PCDHGA11: variants seen among roughly 807,000 people sequenced by gnomAD.
PCDHGA11 encodes the protein protocadherin gamma-A11.
A neutral mutation model predicts 60.4 loss-of-function variants in PCDHGA11; 39 were observed. The ratio of observed to expected loss-of-function variants is 0.65; its 90% CI spans 0.50 to 0.84. The LOEUF is 0.84. PCDHGA11 is among the 40% of genes least tolerant of loss of function. PCDHGA11 has a pLI of 0.00. For synonymous variants in PCDHGA11, 533 were observed against 510.3 expected (o/e 1.04, Z -0.60); for missense variants, 1,165 against 1,197.7 (o/e 0.97, Z 0.40).
At chr5:141,495,379 C>T (rs989240656) in intron 2 of PCDHGA11, among the ~76,000 whole-genome samples, 3 of 152,208 alleles carry the variant, frequency 2.0e-5, no homozygotes, top group Non-Finnish European at 4.4e-5. Context: ...TGAGGAAGGA[C>T]TGGGCGGGGC....
In PCDHGA11 at chr5:141,476,883, A is replaced by G. The variant is rs1266909654; in HGVS notation, c.2434-17924A>G. ...TTGTACCGGGCGCGCGTCCTGGAGG[A>G]TGCACCCTCCGGCACGCGCGTGGTA... On this transcript the variant is annotated intron_variant, in intron 1 of 3. Coordinates refer to ENST00000398587, the MANE Select transcript of PCDHGA11 (RefSeq NM_018914.3). This position sits in a 1 kb window ranked among gnomAD's most constrained non-coding sequence, Gnocchi z 7.6. 1 of 1,613,916 alleles carries G rather than the reference A, an allele frequency of 6.2e-7. No individual in the cohort carries two copies. The highest frequency in any genetic ancestry group is 8.5e-7 in the Non-Finnish European group (1 of 1,180,026).
intron 1 of PCDHGA11, among the ~76,000 whole-genome samples, chr5:141,459,035 A>T (rs1404092581): frequency 6.6e-6 from 1 of 152,218 alleles, no homozygotes; most frequent in Non-Finnish European, 1.5e-5. Context: ...ATCCAGCCTT[A>T]CCAGCTATAT....
At position 141,489,662 on chromosome 5, in the gene PCDHGA11, G is replaced by A. The variant is rs2233601; in HGVS notation, c.2434-5145G>A. On this transcript the variant is annotated intron_variant, in intron 1 of 3. Coordinates refer to ENST00000398587, the MANE Select transcript of PCDHGA11 (RefSeq NM_018914.3). This position sits in a 1 kb window ranked among gnomAD's most constrained non-coding sequence, Gnocchi z 4.5. ...TTTGCCACCCCTGAGCGAGAGATGC[G>A]CATCTCAGAATCAGCAGCATCTGGG... The A allele has an allele frequency of 4.0e-4, 649 of 1,614,144 alleles. 2 individuals are homozygous for A. The highest frequency in any genetic ancestry group is 1.5e-3 in the Middle Eastern group (9 of 6,062).
At position 141,431,850 on chromosome 5, in the gene PCDHGA11, C is replaced by T; in HGVS notation, c.2433+8190C>T. On this transcript the variant is annotated intron_variant, in intron 1 of 3. Transcript: ENST00000398587. The surrounding 1 kb of genome is among the most constrained non-coding windows in gnomAD (Gnocchi z 4.8). ...GTTCCCGAAAACTCTCCCAGAGGGA[C>T]ATTAATTGCCCTTTTAAATGTAAAT... The T allele has an allele frequency of 1.9e-6, 3 of 1,614,234 alleles. No homozygotes were observed. The highest frequency in any genetic ancestry group is 2.2e-5 in the South Asian group (2 of 91,090).
In PCDHGA11 at chr5:141,423,465, G is replaced by A. The variant is rs762995150; in HGVS notation, c.2238G>A (p.Gly746=). Residue 746 remains glycine, a synonymous_variant, in exon 1 of 4, where the codon GGG becomes GGA. Coordinates refer to ENST00000398587, the MANE Select transcript of PCDHGA11 (RefSeq NM_018914.3). ...CGTCACATTTTGTAGGCGTGGACGG[G>A]GTACAGGCTTTCCTGCAAACCTATT... ...MPTSHFVGVD[G]VQAFLQTYSH... The A allele has an allele frequency of 2.6e-5, 42 of 1,614,006 alleles. 1 individual carries two copies. The Middle Eastern group carries it at 1.5e-3, about 57-fold the overall frequency.
intron 1 of PCDHGA11, among the ~76,000 whole-genome samples, chr5:141,445,929 A>G (rs1388363296): frequency 6.6e-6 from 1 of 152,208 alleles, no homozygotes; most frequent in Non-Finnish European, 1.5e-5. Context: ...AAGATATTTG[A>G]ATTATTAAGC....
At chr5:141,497,143 GA>G (rs928640875) in intron 2 of PCDHGA11, among the ~76,000 whole-genome samples, 7 of 149,992 alleles carry the variant, frequency 4.7e-5, no homozygotes, top group African/African-American at 9.8e-5. Context: ...CTGAGATCAC[GA>G]AAAAAAAATA....
At chr5:141,437,463 AC>A (rs2097887109) in intron 1 of PCDHGA11, among the ~76,000 whole-genome samples, 1 of 152,184 alleles carries the variant, frequency 6.6e-6, no homozygotes, top group Non-Finnish European at 1.5e-5. Flanking sequence ...ACTATACTAT[AC>A]TTTTATAGCA....
chr5:141,492,023 C>A, intron 1 of PCDHGA11: 1 of 564,804 alleles, frequency 1.8e-6, no homozygotes, highest in Non-Finnish European at 3.0e-6. Context: ...TCGGGGGTCC[C>A]GGGAGGAGGC....
chr5:141,503,713 C>T (rs867005984), intron 2 of PCDHGA11, among the ~76,000 whole-genome samples: 6 of 152,134 alleles, frequency 3.9e-5, no homozygotes, highest in Non-Finnish European at 8.8e-5. Context: ...TCCCCTTCAA[C>T]CCTAGCTTTA....
Position 141,476,416 on chromosome 5 carries a change from A to G in PCDHGA11, c.2434-18391A>G. On this transcript the variant is annotated intron_variant, in intron 1 of 3. Coordinates refer to ENST00000398587, the MANE Select transcript of PCDHGA11 (RefSeq NM_018914.3). The surrounding 1 kb of genome is among the most constrained non-coding windows in gnomAD (Gnocchi z 7.6). ...TGGATCGAGAGGAGCTGTGTGGGAC[A>G]CTGCCCTCTTGCACTGTAACTCTGG... 1 of 1,614,056 alleles carries G rather than the reference A, an allele frequency of 6.2e-7. No individual in the cohort carries two copies. The highest frequency in any genetic ancestry group is 8.5e-7 in the Non-Finnish European group (1 of 1,179,994).
chr5:141,493,908 G>A lies in PCDHGA11; in HGVS notation c.2434-899G>A, dbSNP rs1308946115. ...CTAGGAGTGCTCCATGAGAGTGTGT[G>A]ATGGGATAACACACCCCCTGGAAAG... On this transcript the variant is annotated intron_variant, in intron 1 of 3. Transcript: ENST00000398587. This position sits in a 1 kb window ranked among gnomAD's most constrained non-coding sequence, Gnocchi z 4.3. Among the ~76,000 whole-genome samples the A allele has an allele frequency of 6.6e-6, 1 of 152,208 alleles. No homozygotes were observed. The highest frequency in any genetic ancestry group is 1.5e-5 in the Non-Finnish European group (1 of 68,032).
At chr5:141,478,042 G>A (rs1358652557) in intron 1 of PCDHGA11, 18 of 1,614,152 alleles carry the variant, frequency 1.1e-5, no homozygotes, top group Non-Finnish European at 1.5e-5. Flanking sequence ...CACCCAGGCA[G>A]ACTCTCACGG....
Position 141,486,314 on chromosome 5 carries a change from T to C in PCDHGA11, c.2434-8493T>C, listed in dbSNP as rs775833520. The C allele has an allele frequency of 4.5e-5, 72 of 1,613,758 alleles. No homozygotes were observed. The highest frequency in any genetic ancestry group is 5.9e-5 in the Non-Finnish European group (70 of 1,179,984). On this transcript the variant is annotated intron_variant, in intron 1 of 3. Transcript: ENST00000398587. This position sits in a 1 kb window ranked among gnomAD's most constrained non-coding sequence, Gnocchi z 5.0. ...CAGTGTGCAGGATCCAGACTCAGGG[T>C]CAAACGGAGATGTGAGCCTCCGCAT...
intron 1 of PCDHGA11, chr5:141,479,691 C>T (rs2099503603): frequency 6.6e-6 from 1 of 152,206 alleles, no homozygotes; most frequent in Non-Finnish European, 1.5e-5. Context: ...TTTGGTGCCT[C>T]CAGTGTTAGT....
chr5:141,450,150 G>T (rs1314865325), intron 1 of PCDHGA11, among the ~76,000 whole-genome samples: 1 of 150,342 alleles, frequency 6.7e-6, no homozygotes, highest in Non-Finnish European at 1.5e-5. Flanking sequence ...GGGACTACAG[G>T]CATGTGCCAC....
chr5:141,421,837 G>A lies in PCDHGA11; in HGVS notation c.610G>A (p.Glu204Lys). The A allele has an allele frequency of 6.2e-7, 1 of 1,613,782 alleles. No individual in the cohort carries two copies. The part of the protein sequence containing the change: ...ELVLEGSLDR[E>K]KEAAHLLLLT... The stretch of plus-strand genomic sequence containing the variant: ...AGTACTGGAGGGAAGCCTGGACCGA[G>A]AGAAAGAGGCTGCTCACCTGCTCCT... The change falls in exon 1 of 4, where the codon GAG becomes AAG. Residue 204 changes from glutamate (E) to lysine (K), a missense_variant. Physicochemically the swap from Glu to Lys is moderately conservative, Grantham distance 56. Transcript: ENST00000398587.
intron 1 of PCDHGA11, among the ~76,000 whole-genome samples, chr5:141,450,162 A>T (rs2098671900): frequency 6.6e-6 from 1 of 151,624 alleles, no homozygotes; most frequent in Admixed American, 6.6e-5. Flanking sequence ...ATGTGCCACC[A>T]CACTCCCACC....
At chr5:141,472,295 A>G (rs147192748) in intron 1 of PCDHGA11, among the ~76,000 whole-genome samples, 8,225 of 152,254 alleles carry the variant, frequency 0.054, 462 homozygotes, top group African/African-American at 0.15. Flanking sequence ...TAATCCCAGC[A>G]CTTTGGGAAG....
Sources: allele counts gnomAD v4.1 joint callset (sites outside exome capture counted in the v4.1 genomes callset), GRCh38; gene constraint gnomAD v4.1.1; non-coding constraint Gnocchi (gnomAD v3.1); transcripts MANE v1.5; gene names NCBI Gene and HGNC (gene_info 2026-07-23, HGNC 2026-07-21).